ADGRB3: variants seen among roughly 807,000 people sequenced by gnomAD.
The protein encoded by ADGRB3 is brain-specific angiogenesis inhibitor 3.
A neutral mutation model predicts 193.4 loss-of-function variants in ADGRB3; 37 were observed. The ratio of observed to expected loss-of-function variants is 0.19; its 90% CI spans 0.15 to 0.25. The LOEUF (loss-of-function observed/expected upper bound fraction) is 0.25, where lower values mean the gene tolerates loss of function less well. Ranked by LOEUF, ADGRB3 falls within the 10% of genes least tolerant of loss-of-function variation. The probability of loss-of-function intolerance (pLI) is 1.00; values close to 1 mark genes in which losing one functional copy is unlikely to be tolerated. For missense variants in ADGRB3, 1,637 were observed against 1,852.9 expected (o/e 0.88, Z 2.14); for synonymous variants, 690 against 644.2 (o/e 1.07, Z -1.08).
chr6:68,828,726 A>G (rs1008461228), intron 3 of ADGRB3, among the ~76,000 whole-genome samples: 4 of 152,212 alleles, frequency 2.6e-5, no homozygotes, highest in Middle Eastern at 3.2e-3. Context: ...ACCTAGGAAC[A>G]TAAGCTACTC....
chr6:69,373,714 C>CA (rs1334407150), intron 30 of ADGRB3, among the ~76,000 whole-genome samples: 2 of 151,364 alleles, frequency 1.3e-5, no homozygotes, highest in Non-Finnish European at 2.9e-5. Flanking sequence ...TTCAGGTAGC[C>CA]AAAAATAGAG....
chr6:68,810,291 A>T (rs1371671003), intron 3 of ADGRB3, among the ~76,000 whole-genome samples: 1 of 152,196 alleles, frequency 6.6e-6, no homozygotes, highest in Non-Finnish European at 1.5e-5. Flanking sequence ...AATTTAAAGT[A>T]TTCCACAAAT....
At chr6:68,683,158 C>T (rs779259443) in intron 3 of ADGRB3, among the ~76,000 whole-genome samples, 14 of 152,174 alleles carry the variant, frequency 9.2e-5, no homozygotes, top group Non-Finnish European at 1.8e-4. Flanking sequence ...GATTAATATA[C>T]ACATTGCTGG....
At chr6:69,029,235 T>G (rs937452520) in intron 13 of ADGRB3, among the ~76,000 whole-genome samples, 1 of 152,222 alleles carries the variant, frequency 6.6e-6, no homozygotes, top group Admixed American at 6.5e-5. Context: ...GACCATTTGT[T>G]TTCTTTTGTG....
intron 10 of ADGRB3, among the ~76,000 whole-genome samples, chr6:68,993,397 C>T (rs1324975650): frequency 6.6e-6 from 1 of 152,106 alleles, no homozygotes; most frequent in Non-Finnish European, 1.5e-5. Context: ...TGTTTATAAT[C>T]TCCCATCTCT....
chr6:68,709,533 T>C (rs1300272462), intron 3 of ADGRB3, among the ~76,000 whole-genome samples: 1 of 152,182 alleles, frequency 6.6e-6, no homozygotes, highest in East Asian at 1.9e-4. Flanking sequence ...CTTTTCTTAT[T>C]AGTTTTCTCA....
intron 20 of ADGRB3, among the ~76,000 whole-genome samples, chr6:69,275,521 A>G (rs1191617019): frequency 1.3e-5 from 2 of 151,988 alleles, no homozygotes; most frequent in East Asian, 3.8e-4. Flanking sequence ...AATTATGTAT[A>G]ATTATATTAT....
At chr6:69,146,421 G>T (rs1222552027) in intron 17 of ADGRB3, among the ~76,000 whole-genome samples, 1 of 152,242 alleles carries the variant, frequency 6.6e-6, no homozygotes, top group Admixed American at 6.5e-5. Flanking sequence ...TGAGAGTGCA[G>T]AGATGCCTGG....
intron 20 of ADGRB3, among the ~76,000 whole-genome samples, chr6:69,306,728 T>G (rs1768073695): frequency 6.6e-6 from 1 of 151,516 alleles, no homozygotes; most frequent in African/African-American, 2.4e-5. Context: ...CTTTAGTATT[T>G]AATTCCTAAT....
At chr6:68,968,568 G>C (rs1410177312) in intron 8 of ADGRB3, among the ~76,000 whole-genome samples, 1 of 152,152 alleles carries the variant, frequency 6.6e-6, no homozygotes, top group Non-Finnish European at 1.5e-5. Flanking sequence ...AAGCAAAAGT[G>C]AAAGATTATA....
intron 20 of ADGRB3, among the ~76,000 whole-genome samples, chr6:69,271,150 T>C (rs755851929): frequency 3.3e-5 from 5 of 152,188 alleles, no homozygotes; most frequent in Non-Finnish European, 5.9e-5. Flanking sequence ...TGTGAGAATA[T>C]GTAAATATGA....
chr6:68,713,231 A>G (rs149259360), intron 3 of ADGRB3, among the ~76,000 whole-genome samples: 1 of 152,080 alleles, frequency 6.6e-6, no homozygotes, highest in Non-Finnish European at 1.5e-5. Flanking sequence ...CTTTTCCATG[A>G]TTTCCAATTT....
Position 69,236,955 on chromosome 6 carries a change from C to A in ADGRB3, c.2711+1820C>A, listed in dbSNP as rs1766278396. On this transcript the variant is annotated intron_variant, in intron 19 of 31. Transcript: ENST00000370598. ...ATCTAAATCCCTAAAAGTTAGTGGTCATCAACTCATTCTCTACAAATAGAA... is the reference window on the plus strand; with the variant it reads ...ATCTAAATCCCTAAAAGTTAGTGGTAATCAACTCATTCTCTACAAATAGAA... Among the ~76,000 whole-genome samples, 3 of 151,932 alleles carry A rather than the reference C, an allele frequency of 2.0e-5. No homozygotes were observed. The South Asian group carries it at 6.2e-4, about 31-fold the overall frequency.
intron 17 of ADGRB3, among the ~76,000 whole-genome samples, chr6:69,207,117 G>A (rs924134463): frequency 2.0e-5 from 3 of 152,176 alleles, no homozygotes; most frequent in South Asian, 4.1e-4. Context: ...CTTAAAGGTA[G>A]GAGGAGCCCA....
intron 17 of ADGRB3, among the ~76,000 whole-genome samples, chr6:69,190,925 G>A (rs1450528164): frequency 6.9e-6 from 1 of 145,574 alleles, no homozygotes; most frequent in Non-Finnish European, 1.5e-5. Context: ...TACCATATAG[G>A]TGTGTAGTAG....
At chr6:68,888,576 T>TAA (rs1385739744) in intron 3 of ADGRB3, among the ~76,000 whole-genome samples, 2 of 110,338 alleles carry the variant, frequency 1.8e-5, no homozygotes, top group African/African-American at 3.3e-5. Context: ...CACACACACA[T>TAA]AAAAAAAACT....
intron 13 of ADGRB3, among the ~76,000 whole-genome samples, chr6:69,028,846 T>C (rs1023924265): frequency 6.6e-6 from 1 of 152,202 alleles, no homozygotes; most frequent in African/African-American, 2.4e-5. Context: ...TTTTATTTGT[T>C]TTTTCCCCTT....
At chr6:68,810,794 A>C (rs1767495525) in intron 3 of ADGRB3, among the ~76,000 whole-genome samples, 1 of 152,192 alleles carries the variant, frequency 6.6e-6, no homozygotes, top group South Asian at 2.1e-4. Flanking sequence ...AAAGAAAATT[A>C]TTAGAGCAAG....
At chr6:68,835,440 T>A (rs544509196) in intron 3 of ADGRB3, among the ~76,000 whole-genome samples, 88 of 152,336 alleles carry the variant, frequency 5.8e-4, no homozygotes, top group African/African-American at 2.0e-3. Flanking sequence ...GAATTATGTG[T>A]ATTTTTTTCA....
Sources: gnomAD v4.1 joint callset for allele counts (sites outside exome capture counted in the v4.1 genomes callset) on GRCh38, gnomAD v4.1.1 for gene constraint, MANE v1.5 for transcripts, NCBI Gene and HGNC (gene_info 2026-07-23, HGNC 2026-07-21) for gene names.